The following MAP3K14 variants were observed in gnomAD, a reference collection of about 807,000 sequenced individuals.
MAP3K14 encodes the protein mitogen-activated protein kinase kinase kinase 14.
MAP3K14 carries 16 observed loss-of-function variants against 99.2 expected under a neutral mutation model. The observed-to-expected ratio is 0.16, with a 90% CI of 0.11 to 0.24. The LOEUF (loss-of-function observed/expected upper bound fraction) is 0.24. Ranked by LOEUF, MAP3K14 falls within the 10% of genes least tolerant of loss-of-function variation. The pLI, the probability that MAP3K14 is intolerant of heterozygous loss-of-function variation, is 1.00. For synonymous variants in MAP3K14, 462 were observed against 492.4 expected (o/e 0.94, Z 0.82); for missense variants, 784 against 1,208.7 (o/e 0.65, Z 5.21).
rs554514736 is a variant in MAP3K14, at chr17:45,267,827, G to T, written c.1973-68C>A. 5.0e-6 allele frequency: 7 copies of T among 1,387,626 alleles called. No individual in the cohort carries two copies. The highest frequency in any genetic ancestry group is 1.8e-4 in the Middle Eastern group (1 of 5,434). 86.0% of individuals were successfully genotyped at this position (1,387,626 alleles called of 1,614,324 possible). A position where few individuals can be genotyped will look rare whatever the true frequency, so the allele number is the denominator to read the frequency against. On this transcript the variant is annotated intron_variant, in intron 11 of 15. Coordinates refer to ENST00000344686, the MANE Select transcript of MAP3K14 (RefSeq NM_003954.5). This position sits in a 1 kb window ranked among gnomAD's most constrained non-coding sequence, Gnocchi z 5.1. Reference sequence around the variant, plus strand: ...CACAGACAGCGGTCCAGGCAGGAGCGGCCTCTCCTGAGTGCAGAAGGGCTA... The same window carrying T: ...CACAGACAGCGGTCCAGGCAGGAGCTGCCTCTCCTGAGTGCAGAAGGGCTA...
intron 1 of MAP3K14, among the ~76,000 whole-genome samples, chr17:45,306,971 T>A (rs1174403525): frequency 1.3e-5 from 2 of 152,166 alleles, no homozygotes; most frequent in African/African-American, 2.4e-5. Flanking sequence ...ATAAAAAATT[T>A]TTCAGGCCGG....
At chr17:45,316,344 T>C (rs543728181) in intron 1 of MAP3K14, among the ~76,000 whole-genome samples, 44 of 152,310 alleles carry the variant, frequency 2.9e-4, no homozygotes, top group African/African-American at 9.1e-4. Context: ...GGGAATGTTA[T>C]ATTTGAACCG....
chr17:45,311,592 G>A (rs889326909), intron 1 of MAP3K14, among the ~76,000 whole-genome samples: 7 of 152,274 alleles, frequency 4.6e-5, no homozygotes, highest in African/African-American at 1.7e-4. Context: ...AGTACCCCCT[G>A]CTGCTTCTTT....
chr17:45,299,280 C>T (rs1395277446), intron 1 of MAP3K14, among the ~76,000 whole-genome samples: 1 of 152,146 alleles, frequency 6.6e-6, no homozygotes, highest in Non-Finnish European at 1.5e-5. Flanking sequence ...TGGCCAGGCA[C>T]AGTGCCTCAT....
chr17:45,272,054 G>A lies in MAP3K14; in HGVS notation c.1658-833C>T, dbSNP rs111785930. ...TATTAGAAAAAAGGGTCAGGCAGTG[G>A]CTCATGCCTGTAATCCCAGCACTTT... On this transcript the variant is annotated intron_variant, in intron 9 of 15. Coordinates refer to ENST00000344686, the MANE Select transcript of MAP3K14 (RefSeq NM_003954.5). The surrounding 1 kb of genome is among the most constrained non-coding windows in gnomAD (Gnocchi z 4.1). 5.3e-3 allele frequency among the ~76,000 whole-genome samples: 802 copies of A among 152,264 alleles called. 3 individuals carry two copies. Among genetic ancestry groups the A allele is most frequent in the Non-Finnish European group, 9.1e-3 (621 of 68,018 alleles).
At chr17:45,268,008 G>T in intron 11 of MAP3K14, 2 of 451,004 alleles carry the variant, frequency 4.4e-6, no homozygotes, top group South Asian at 3.6e-5. Context: ...TTTTCTTCTA[G>T]GTATCAGTAG....
chr17:45,279,801 T>C (rs940314605), intron 6 of MAP3K14, among the ~76,000 whole-genome samples: 1 of 152,196 alleles, frequency 6.6e-6, no homozygotes, highest in East Asian at 1.9e-4. Context: ...CTTTTGAAGA[T>C]TCCAGGAATG....
At chr17:45,279,264 A>G (rs2044201950) in intron 6 of MAP3K14, among the ~76,000 whole-genome samples, 1 of 147,932 alleles carries the variant, frequency 6.8e-6, no homozygotes, top group African/African-American at 2.5e-5. Context: ...TGAGTAGCTG[A>G]GATTACAGGC....
In MAP3K14 at chr17:45,264,074, A is replaced by G. The variant is rs925658073; in HGVS notation, c.*562T>C. ...CCAGGGAGCCTTCCCAGGGTCAGGC[A>G]TTCTTTTCCCCTACACCCAAAAGGG... On this transcript the variant is annotated 3_prime_UTR_variant, in exon 16 of 16. Transcript: ENST00000344686. 4 of 152,388 alleles carry G rather than the reference A, an allele frequency of 2.6e-5. No individual in the cohort carries two copies. Among genetic ancestry groups the G allele is most frequent in the African/African-American group, 9.7e-5 (4 of 41,440 alleles). The allele number at this position is 152,388 out of a possible 1,614,324, so 9.4% of individuals were successfully genotyped here.
rs2044037864 is a variant in MAP3K14 at position 45,263,564 on chromosome 17, G to A, written c.*1072C>T. 6.5e-6 allele frequency: 1 copy of A among 152,726 alleles called. No individual in the cohort carries two copies. Among genetic ancestry groups the A allele is most frequent in the Non-Finnish European group, 1.5e-5 (1 of 68,150 alleles). 9.5% of individuals were successfully genotyped at this position (152,726 alleles called of 1,614,324 possible). A position where few individuals can be genotyped will look rare whatever the true frequency, so the allele number is the denominator to read the frequency against. On this transcript the variant is annotated 3_prime_UTR_variant, in exon 16 of 16. Transcript: ENST00000344686. ...CTTGCTATGCTCCTACAGTGTCACT[G>A]CCCTGCCCTGCCCTGCCAGAGGGCA... is the stretch of plus-strand genomic sequence containing the variant.
At chr17:45,289,341 A>C (rs1259880423) in intron 2 of MAP3K14, 36 bp from the exon 3 acceptor site, 3 of 1,563,918 alleles carry the variant, frequency 1.9e-6, no homozygotes, top group Non-Finnish European at 2.6e-6. Context: ...AGAGAGGAGA[A>C]AAAATAGGAA....
In MAP3K14 at chr17:45,271,089, G is replaced by A. The variant is rs762446609; in HGVS notation, c.1790C>T (p.Thr597Ile). ...GCAGAGCGGCCCTCGGAAGAACTGA[G>A]TCCAGGGGTGGCAGCCGTTGAGCAT... Reference protein sequence around the residue: ...LHMLNGCHPWTQFFRGPLCLK... With the variant: ...LHMLNGCHPWIQFFRGPLCLK... The change falls in exon 10 of 16, where the codon ACT becomes ATT. Residue 597 changes from threonine to isoleucine, a missense_variant. Physicochemically the swap from Thr to Ile is moderately conservative, Grantham distance 89. Around this residue, in one of 5 missense-constraint regions of MAP3K14, gnomAD observed 200 missense variants for 367.9 expected, o/e 0.54. Transcript: ENST00000344686. The A allele has an allele frequency of 5.0e-6, 8 of 1,613,026 alleles. No individual in the cohort carries two copies. In the South Asian group the frequency reaches 7.7e-5, roughly 15 times the overall value.
chr17:45,281,030 A>G (rs991058224), intron 6 of MAP3K14, among the ~76,000 whole-genome samples: 2 of 152,208 alleles, frequency 1.3e-5, no homozygotes, highest in Admixed American at 1.3e-4. Flanking sequence ...ATATATGCCA[A>G]TAAGGAAATC....
chr17:45,313,327 GAAC>G (rs754915065), intron 1 of MAP3K14, among the ~76,000 whole-genome samples: 5 of 151,732 alleles, frequency 3.3e-5, no homozygotes, highest in Admixed American at 6.6e-5. Flanking sequence ...CCACCAACAA[GAAC>G]AACAACAACA....
chr17:45,271,036 C>A (rs751005102), intron 10 of MAP3K14, 22 bp downstream of exon 10: 1 of 1,608,200 alleles, frequency 6.2e-7, no homozygotes, highest in African/African-American at 1.3e-5. Context: ...CCCTGTTGGC[C>A]ATGCTGGGTG....
intron 1 of MAP3K14, among the ~76,000 whole-genome samples, chr17:45,302,941 G>C (rs1043024616): frequency 2.6e-5 from 4 of 152,252 alleles, no homozygotes; most frequent in African/African-American, 4.8e-5. Context: ...AGGACTGAGA[G>C]TTTTATCAGT....
At position 45,315,711 on chromosome 17, in the gene MAP3K14, C is replaced by T. The variant is rs192213410; in HGVS notation, c.-21+1249G>A. Among the ~76,000 whole-genome samples the T allele has an allele frequency of 1.4e-3, 212 of 152,220 alleles. 2 individuals carry two copies. The highest frequency in any genetic ancestry group is 0.012 in the Admixed American group (187 of 15,290). On this transcript the variant is annotated intron_variant, in intron 1 of 15. Transcript: ENST00000344686. ...CCTGATCTAGGATTCTGGGAAAGACCCATCCTTAGTCCCAGCTATGAGGCA... is the reference window on the plus strand; with the variant it reads ...CCTGATCTAGGATTCTGGGAAAGACTCATCCTTAGTCCCAGCTATGAGGCA...
chr17:45,296,049 T>C (rs1428844391), intron 1 of MAP3K14, among the ~76,000 whole-genome samples: 1 of 152,216 alleles, frequency 6.6e-6, no homozygotes, highest in East Asian at 1.9e-4. Context: ...TCATGACTAT[T>C]TCATCTGGAA....
intron 7 of MAP3K14, 39 bp from the exon 8 acceptor site, chr17:45,274,293 C>G (rs769061625): frequency 3.8e-6 from 6 of 1,586,858 alleles, no homozygotes; most frequent in South Asian, 2.3e-5. Context: ...GGGACTTGCC[C>G]GAGCCTCCAT....
Sources: gnomAD v4.1 joint callset for allele counts (sites outside exome capture counted in the v4.1 genomes callset) on GRCh38, gnomAD v4.1.1 for gene constraint, gnomAD v4.1.1 regional missense constraint, Gnocchi (gnomAD v3.1) non-coding constraint, MANE v1.5 for transcripts, NCBI Gene and HGNC (gene_info 2026-07-23, HGNC 2026-07-21) for gene names.